Variants in DSCAM observed in about 807,000 individuals in gnomAD.
DSCAM encodes the protein cell adhesion molecule DSCAM.
In DSCAM, 47 loss-of-function variants were observed where a neutral mutation model predicts 217.7. That is an observed-to-expected ratio of 0.22 (90% CI 0.17 to 0.28). The LOEUF is 0.28. Ranked by LOEUF, DSCAM falls within the 10% of genes least tolerant of loss-of-function variation. The probability of loss-of-function intolerance (pLI) is 1.00; values close to 1 mark genes in which losing one functional copy is unlikely to be tolerated. For missense variants in DSCAM, 2,080 were observed against 2,618.3 expected (o/e 0.79, Z 4.49); for synonymous variants, 1,056 against 1,015.3 (o/e 1.04, Z -0.76).
At chr21:40,588,344 A>G (rs2076961290) in intron 3 of DSCAM, among the ~76,000 whole-genome samples, 1 of 152,218 alleles carries the variant, frequency 6.6e-6, no homozygotes, top group Admixed American at 6.5e-5. Context: ...TCAGGAAAAA[A>G]TTACTTTGTG....
intron 3 of DSCAM, among the ~76,000 whole-genome samples, chr21:40,378,836 G>A (rs1016843794): frequency 1.8e-4 from 27 of 151,686 alleles, no homozygotes; most frequent in African/African-American, 6.0e-4. Flanking sequence ...CTCGTGATCC[G>A]CCCGCCTCGG....
At chr21:40,458,010 C>T (rs990301930) in intron 3 of DSCAM, among the ~76,000 whole-genome samples, 1 of 152,086 alleles carries the variant, frequency 6.6e-6, no homozygotes, top group Non-Finnish European at 1.5e-5. Flanking sequence ...GAAAATATTA[C>T]ATCAAATTTA....
chr21:40,596,875 T>C (rs1056160466), intron 3 of DSCAM, among the ~76,000 whole-genome samples: 1 of 152,066 alleles, frequency 6.6e-6, no homozygotes, highest in Non-Finnish European at 1.5e-5. Flanking sequence ...ATTTCATATA[T>C]ATATATATGC....
chr21:40,836,358 A>G (rs953199214), intron 1 of DSCAM, among the ~76,000 whole-genome samples: 16 of 152,350 alleles, frequency 1.1e-4, no homozygotes, highest in African/African-American at 3.6e-4. Context: ...GGAAGAAAAA[A>G]TGGTGCAAAG....
chr21:40,559,364 A>G (rs996252292), intron 3 of DSCAM, among the ~76,000 whole-genome samples: 3 of 152,014 alleles, frequency 2.0e-5, no homozygotes, highest in South Asian at 4.1e-4. Context: ...AGGCTGAGGC[A>G]GAAGAATAGC....
chr21:40,110,507 G>A (rs2089882949), intron 20 of DSCAM, among the ~76,000 whole-genome samples: 1 of 152,176 alleles, frequency 6.6e-6, no homozygotes, highest in African/African-American at 2.4e-5. Flanking sequence ...AAATCAGAAT[G>A]CCTCTCCTCC....
chr21:40,696,786 T>C (rs2090600483), intron 2 of DSCAM, among the ~76,000 whole-genome samples: 1 of 152,130 alleles, frequency 6.6e-6, no homozygotes, highest in South Asian at 2.1e-4. Context: ...AATATTTTCA[T>C]TGTGATATAA....
rs1234144124 is a variant in DSCAM at position 40,670,775 on chromosome 21, C to CA, written c.508+22034dup. 2.0e-5 allele frequency among the ~76,000 whole-genome samples: 3 copies of CA among 152,066 alleles called. No individual in the cohort carries two copies. In the East Asian group the frequency reaches 5.8e-4, roughly 29 times the overall value. On this transcript the variant is annotated intron_variant, in intron 3 of 32. Transcript: ENST00000400454. ...GGCTGTTCCTATCTTTTGGCGATTG[C>CA]AAAAAATGCTGCTATGAACATGGGT... is the stretch of plus-strand genomic sequence containing the variant.
rs1339393310 is a variant in DSCAM, at chr21:40,620,201, AAGAG to A, written c.508+72605_508+72608del. ...GAGAGAGAAAAAAGAAAAAGAAAGA[AAGAG>A]AGAAAGAGAGAGAAAAAAGAAAAAG... On this transcript the variant is annotated intron_variant, in intron 3 of 32. Transcript: ENST00000400454. Among the ~76,000 whole-genome samples, 631 of 82,622 alleles carry A rather than the reference AAGAG, an allele frequency of 7.6e-3. 43 individuals carry two copies. Among genetic ancestry groups the A allele is most frequent in the Admixed American group, 0.046 (391 of 8,512 alleles). 54.2% of individuals were successfully genotyped at this position (82,622 alleles called of 152,430 possible). A position where few individuals can be genotyped will look rare whatever the true frequency, so the allele number is the denominator to read the frequency against.
At chr21:40,288,383 A>G (rs2073852979) in intron 10 of DSCAM, among the ~76,000 whole-genome samples, 1 of 152,202 alleles carries the variant, frequency 6.6e-6, no homozygotes, top group African/African-American at 2.4e-5. Flanking sequence ...GATCCTCCAA[A>G]TTTTCCAGAT....
intron 3 of DSCAM, among the ~76,000 whole-genome samples, chr21:40,578,928 A>C: frequency 6.6e-6 from 1 of 152,230 alleles, no homozygotes; most frequent in Admixed American, 6.5e-5. Flanking sequence ...AGTTCCAGAA[A>C]CATAGTGTGG....
intron 15 of DSCAM, among the ~76,000 whole-genome samples, chr21:40,176,795 T>C (rs2090737619): frequency 1.3e-5 from 2 of 152,326 alleles, no homozygotes; most frequent in South Asian, 4.1e-4. Flanking sequence ...AGGCAGCATC[T>C]GCATCTGTCT....
At chr21:40,781,134 G>T (rs978184702) in intron 1 of DSCAM, among the ~76,000 whole-genome samples, 5 of 151,964 alleles carry the variant, frequency 3.3e-5, no homozygotes, top group African/African-American at 1.2e-4. Flanking sequence ...TCAGCCTCCA[G>T]AGTAGCTGGG....
At chr21:40,132,275 T>C (rs550539544) in intron 19 of DSCAM, among the ~76,000 whole-genome samples, 2 of 152,288 alleles carry the variant, frequency 1.3e-5, no homozygotes, top group East Asian at 3.9e-4. Flanking sequence ...CTACAGCAGA[T>C]TGTCCCTGAG....
intron 32 of DSCAM, among the ~76,000 whole-genome samples, chr21:40,030,662 T>C (rs770713431): frequency 2.6e-5 from 4 of 152,190 alleles, no homozygotes; most frequent in Non-Finnish European, 5.9e-5. Flanking sequence ...CTCCACATAC[T>C]GCTGTTCACG....
intron 3 of DSCAM, among the ~76,000 whole-genome samples, chr21:40,401,979 C>T (rs533332057): frequency 5.3e-4 from 80 of 151,206 alleles, no homozygotes; most frequent in African/African-American, 1.8e-3. Flanking sequence ...TTAAGTTCCC[C>T]GTGTGGTTGA....
chr21:40,117,359 G>A (rs143920611), intron 20 of DSCAM, among the ~76,000 whole-genome samples: 1 of 152,296 alleles, frequency 6.6e-6, no homozygotes, highest in Non-Finnish European at 1.5e-5. Context: ...AGTCAGTGCT[G>A]GGAGTACTGG....
intron 25 of DSCAM, among the ~76,000 whole-genome samples, chr21:40,079,229 T>A (rs1402926923): frequency 6.6e-6 from 1 of 152,152 alleles, no homozygotes; most frequent in Non-Finnish European, 1.5e-5. Flanking sequence ...ATCTTAGAGT[T>A]CCCTAAAGAA....
intron 1 of DSCAM, among the ~76,000 whole-genome samples, chr21:40,750,622 C>T (rs2091218378): frequency 6.6e-6 from 1 of 151,932 alleles, no homozygotes; most frequent in South Asian, 2.1e-4. Flanking sequence ...AAACTCCAAA[C>T]TTCTACACCC....
Sources: allele counts gnomAD v4.1 joint callset (sites outside exome capture counted in the v4.1 genomes callset), GRCh38; gene constraint gnomAD v4.1.1; transcripts MANE v1.5; gene names NCBI Gene and HGNC (gene_info 2026-07-23, HGNC 2026-07-21).